The following TLK1 variants were observed in gnomAD, a reference collection of about 807,000 sequenced individuals.
TLK1 encodes the protein serine/threonine-protein kinase tousled-like 1.
TLK1 carries 24 observed loss-of-function variants against 105.3 expected under a neutral mutation model. The ratio of observed to expected loss-of-function variants is 0.23; its 90% CI spans 0.17 to 0.32. The LOEUF is 0.32. Ranked by LOEUF, TLK1 falls within the 10% of genes least tolerant of loss-of-function variation. The pLI is 1.00. For missense variants in TLK1, 558 were observed against 910.5 expected (o/e 0.61, Z 4.98); for synonymous variants, 321 against 310.4 (o/e 1.03, Z -0.36).
In TLK1 at chr2:171,131,291, TACTC is replaced by T. The variant is rs536084192; in HGVS notation, c.140-13438_140-13435del. Among the ~76,000 whole-genome samples the T allele has an allele frequency of 3.9e-5, 6 of 152,326 alleles. No homozygotes were observed. The South Asian group carries it at 1.0e-3, about 26-fold the overall frequency. ...AATAGGTTCATATGGTTCAACCTAATACTCAATGACCAAAATGGCCTATGATATA... is the reference window on the plus strand; with the variant it reads ...AATAGGTTCATATGGTTCAACCTAATAATGACCAAAATGGCCTATGATATA... On this transcript the variant is annotated intron_variant, in intron 1 of 20. Coordinates refer to ENST00000431350, the MANE Select transcript of TLK1 (RefSeq NM_012290.5).
upstream of TLK1, among the ~76,000 whole-genome samples, chr2:171,162,821 CAG>C (rs1692539744): frequency 6.6e-6 from 1 of 152,154 alleles, no homozygotes; most frequent in South Asian, 2.1e-4. Context: ...GTTTTTGAGA[CAG>C]AGTCTTACTC....
chr2:171,226,794 T>C (rs1558998200), intron 1 of TLK1, among the ~76,000 whole-genome samples: 1 of 152,192 alleles, frequency 6.6e-6, no homozygotes, highest in African/African-American at 2.4e-5. Context: ...GTAGTGGTCA[T>C]GCATACAAAA....
intron 1 of TLK1, among the ~76,000 whole-genome samples, chr2:171,186,919 G>T (rs1282481176): frequency 1.3e-5 from 2 of 151,616 alleles, no homozygotes; most frequent in African/African-American, 4.8e-5. Context: ...TTGGCTGGGC[G>T]TGGTGGCGGT....
intron 1 of TLK1, among the ~76,000 whole-genome samples, chr2:171,148,390 T>C (rs189110981): frequency 1.2e-4 from 18 of 152,094 alleles, no homozygotes; most frequent in African/African-American, 4.1e-4. Flanking sequence ...ACATCCTTTT[T>C]TCAATCACTT....
At chr2:171,094,281 G>A (rs1186266045) in intron 2 of TLK1, among the ~76,000 whole-genome samples, 2 of 151,982 alleles carry the variant, frequency 1.3e-5, no homozygotes, top group African/African-American at 2.4e-5. Flanking sequence ...GAATCATCCC[G>A]TTAACATCAA....
chr2:171,069,473 C>G (rs1197288468), intron 3 of TLK1, among the ~76,000 whole-genome samples: 1 of 152,158 alleles, frequency 6.6e-6, no homozygotes, highest in Admixed American at 6.5e-5. Flanking sequence ...TACCTAGAGG[C>G]ATTTTTGGTT....
At chr2:171,179,416 T>C (rs1355121302) in intron 1 of TLK1, among the ~76,000 whole-genome samples, 1 of 152,178 alleles carries the variant, frequency 6.6e-6, no homozygotes, top group Non-Finnish European at 1.5e-5. Flanking sequence ...AGAGAAGGTG[T>C]GGATTCCCCA....
At chr2:171,143,506 C>CAAAAAAAAAA (rs577555732) in intron 1 of TLK1, among the ~76,000 whole-genome samples, 3 of 44,304 alleles carry the variant, frequency 6.8e-5, no homozygotes, top group Non-Finnish European at 8.2e-5. Flanking sequence ...ACTCTATCTC[C>CAAAAAAAAAA]AAAAAAAAAA....
chr2:171,068,310 CAA>C (rs1688105570), intron 3 of TLK1, among the ~76,000 whole-genome samples: 1 of 152,016 alleles, frequency 6.6e-6, no homozygotes. Context: ...GCCTGGGCAA[CAA>C]GAGCAAAACT....
At chr2:171,058,071 T>A in intron 5 of TLK1, 80 bp downstream of exon 5, 2 of 1,442,164 alleles carry the variant, frequency 1.4e-6, no homozygotes, top group Non-Finnish European at 1.9e-6. Context: ...AAGCTGACCT[T>A]GTGCTTCTAA....
At chr2:171,012,855 T>C (rs943222965) in intron 13 of TLK1, among the ~76,000 whole-genome samples, 1 of 152,172 alleles carries the variant, frequency 6.6e-6, no homozygotes, top group Admixed American at 6.5e-5. Context: ...CTTGAGAAAC[T>C]TGTAGATATA....
At chr2:171,013,024 T>TG (rs397733567) in intron 13 of TLK1, among the ~76,000 whole-genome samples, 1 of 151,908 alleles carries the variant, frequency 6.6e-6, no homozygotes, top group Non-Finnish European at 1.5e-5. Context: ...TTTTTTTTTT[T>TG]GGAGACAGAG....
intron 2 of TLK1, among the ~76,000 whole-genome samples, chr2:171,114,597 G>A (rs1690327685): frequency 6.6e-6 from 1 of 152,212 alleles, no homozygotes; most frequent in African/African-American, 2.4e-5. Flanking sequence ...CACTTTGGGA[G>A]GCCGAGGTGG....
chr2:171,218,446 T>C (rs2105329459), intron 1 of TLK1, among the ~76,000 whole-genome samples: 1 of 152,358 alleles, frequency 6.6e-6, no homozygotes, highest in South Asian at 2.1e-4. Flanking sequence ...AGACTGGTTG[T>C]ACAACAATGA....
At chr2:171,177,860 C>T (rs924643531) in intron 1 of TLK1, among the ~76,000 whole-genome samples, 1 of 152,112 alleles carries the variant, frequency 6.6e-6, no homozygotes, top group Non-Finnish European at 1.5e-5. Flanking sequence ...ATGGCGTGAT[C>T]TTGGCTCACC....
intron 3 of TLK1, among the ~76,000 whole-genome samples, chr2:171,080,468 T>C (rs1178368760): frequency 8.2e-6 from 1 of 121,848 alleles, no homozygotes; most frequent in Non-Finnish European, 1.7e-5. Context: ...AAGGAATTCA[T>C]TAATTATCAA....
chr2:171,096,085 T>G (rs1689440229), intron 2 of TLK1, among the ~76,000 whole-genome samples: 1 of 151,834 alleles, frequency 6.6e-6, no homozygotes, highest in African/African-American at 2.4e-5. Context: ...ATAAATAAAA[T>G]TATCTCTATT....
At chr2:171,082,952 CATAA>C (rs1028745661) in intron 2 of TLK1, 100 bp from the exon 3 acceptor site, 36 of 784,920 alleles carry the variant, frequency 4.6e-5, no homozygotes, top group East Asian at 1.1e-4. Flanking sequence ...AATCTATCTT[CATAA>C]ATAAATAAAG....
intron 13 of TLK1, among the ~76,000 whole-genome samples, chr2:171,012,971 CAGTT>C (rs1184442246): frequency 2.0e-5 from 3 of 151,504 alleles, no homozygotes; most frequent in African/African-American, 7.3e-5. Context: ...ATTTTCGGAA[CAGTT>C]AGTCTTAAAT....
Sources: allele counts gnomAD v4.1 joint callset (sites outside exome capture counted in the v4.1 genomes callset), GRCh38; gene constraint gnomAD v4.1.1; transcripts MANE v1.5; gene names NCBI Gene and HGNC (gene_info 2026-07-23, HGNC 2026-07-21).